RNF126: variants seen among roughly 807,000 people sequenced by gnomAD.
RNF126 encodes the protein E3 ubiquitin-protein ligase RNF126.
In RNF126, 20 loss-of-function variants were observed where a neutral mutation model predicts 41.9. The ratio of observed to expected loss-of-function variants is 0.48; its 90% CI spans 0.34 to 0.69. The LOEUF (loss-of-function observed/expected upper bound fraction) is 0.69. Among genes scored for constraint, RNF126 ranks in the 30% least tolerant of loss-of-function variants. The pLI is 0.01. For synonymous variants in RNF126, 239 were observed against 202.9 expected (o/e 1.18, Z -1.51); for missense variants, 433 against 460.6 (o/e 0.94, Z 0.55).
intron 4 of RNF126, among the ~76,000 whole-genome samples, chr19:651,019 G>A (rs767767019): frequency 4.6e-5 from 7 of 152,160 alleles, no homozygotes; most frequent in South Asian, 2.1e-4. Flanking sequence ...CTGAGCCACC[G>A]TGCCTGGCAA....
At chr19:650,384 G>C (rs1215568843) in intron 4 of RNF126, 88 bp from the exon 5 acceptor site, 1 of 1,130,366 alleles carries the variant, frequency 8.8e-7, no homozygotes, top group African/African-American at 1.6e-5. Flanking sequence ...GAGCACCAAG[G>C]GCAGGGCCAG....
intron 1 of RNF126, among the ~76,000 whole-genome samples, chr19:658,590 C>T (rs1162953318): frequency 2.0e-5 from 3 of 152,200 alleles, no homozygotes; most frequent in African/African-American, 2.4e-5. Context: ...ACGTGCGGCG[C>T]CTGCACCCCT....
chr19:660,435 G>A (rs1004493900), intron 1 of RNF126, among the ~76,000 whole-genome samples: 2 of 152,226 alleles, frequency 1.3e-5, no homozygotes, highest in African/African-American at 4.8e-5. Context: ...TCAGAGGCAG[G>A]CAGGAGCTTC....
intron 4 of RNF126, among the ~76,000 whole-genome samples, chr19:651,102 T>C (rs111227788): frequency 1.6e-4 from 23 of 146,654 alleles, no homozygotes; most frequent in African/African-American, 4.2e-4. Flanking sequence ...CCGCCAGGAG[T>C]AGGGCCCTGC....
chr19:652,116 A>C, intron 3 of RNF126, 117 bp downstream of exon 3: 1 of 950,868 alleles, frequency 1.1e-6, no homozygotes, highest in Non-Finnish European at 1.5e-6. Flanking sequence ...CTGGAGGGAA[A>C]AATTTCCTCC....
In RNF126 at chr19:653,170, C is replaced by T. The variant is rs79915998; in HGVS notation, c.76-286G>A. ...CATCAGCGCCTTGGCTGAGCCCCTC[C>T]GACCTGCCCCACCGTGACGGGCGTC... On this transcript the variant is annotated intron_variant, in intron 1 of 8. Coordinates refer to ENST00000292363, the MANE Select transcript of RNF126 (RefSeq NM_194460.3). Among the ~76,000 whole-genome samples the T allele has an allele frequency of 4.7e-3, 711 of 150,522 alleles. 4 individuals are homozygous for T. The highest frequency in any genetic ancestry group is 0.017 in the African/African-American group (681 of 40,732).
chr19:662,124 G>C (rs573115270), intron 1 of RNF126, among the ~76,000 whole-genome samples: 1 of 152,156 alleles, frequency 6.6e-6, no homozygotes, highest in Non-Finnish European at 1.5e-5. Context: ...TTCAAGACCA[G>C]CCTGGGCAAC....
intron 1 of RNF126, among the ~76,000 whole-genome samples, chr19:658,780 C>G (rs542582761): frequency 3.3e-5 from 5 of 152,360 alleles, no homozygotes; most frequent in African/African-American, 1.2e-4. Context: ...AGGCCCCGAA[C>G]TCTGCCTTCT....
At chr19:649,901 C>T (rs893106916) in intron 5 of RNF126, among the ~76,000 whole-genome samples, 153 bp from the exon 6 acceptor site, 4 of 146,412 alleles carry the variant, frequency 2.7e-5, no homozygotes, top group Admixed American at 6.7e-5. Flanking sequence ...CAGGCACCCC[C>T]ACCCACTCAC....
At position 659,719 on chromosome 19, in the gene RNF126, C is replaced by G. The variant is rs575338904; in HGVS notation, c.75+3328G>C. Among the ~76,000 whole-genome samples the G allele has an allele frequency of 6.6e-5, 10 of 152,010 alleles. No individual in the cohort carries two copies. The highest frequency in any genetic ancestry group is 2.4e-4 in the African/African-American group (10 of 41,452). On this transcript the variant is annotated intron_variant, in intron 1 of 8. Coordinates refer to ENST00000292363, the MANE Select transcript of RNF126 (RefSeq NM_194460.3). The surrounding 1 kb of genome is among the most constrained non-coding windows in gnomAD (Gnocchi z 4.9). ...CCTGCCGCCACACGCCCCACTCTGG[C>G]TGACGCTCCCTTTGCTGCTCAGACA...
At position 648,992 on chromosome 19, in the gene RNF126, G is replaced by A. The variant is rs754402748; in HGVS notation, c.577-17C>T. On this transcript the variant is annotated splice_polypyrimidine_tract_variant and intron_variant, in intron 6 of 8. Transcript: ENST00000292363. Reference sequence around the variant, plus strand: ...ATTGAGGAGCTGAAAGACAAGAGGCGAGAGTGCCGGGAGCTCCTCGGGGGC... The same window carrying A: ...ATTGAGGAGCTGAAAGACAAGAGGCAAGAGTGCCGGGAGCTCCTCGGGGGC... The A allele has an allele frequency of 3.0e-6, 4 of 1,343,398 alleles. No homozygotes were observed. Among genetic ancestry groups the A allele is most frequent in the Admixed American group, 6.3e-5 (2 of 31,606 alleles). 83.2% of individuals were successfully genotyped at this position (1,343,398 alleles called of 1,614,324 possible). A position where few individuals can be genotyped will look rare whatever the true frequency, so the allele number is the denominator to read the frequency against.
At chr19:650,439 C>T (rs1600629815) in intron 4 of RNF126, 143 bp from the exon 5 acceptor site, 1 of 706,224 alleles carries the variant, frequency 1.4e-6, no homozygotes, top group South Asian at 1.9e-5. Flanking sequence ...TTACTATGAG[C>T]CAGGGTCTCA....
chr19:648,522 TG>T, intron 7 of RNF126, 35 bp from the exon 8 acceptor site: 2 of 1,501,772 alleles, frequency 1.3e-6, no homozygotes, highest in Non-Finnish European at 9.0e-7. Context: ...ACAGCGGGCG[TG>T]GGGGGCCTGC....
At chr19:662,722 G>A (rs965626260) in intron 1 of RNF126, among the ~76,000 whole-genome samples, 1 of 152,100 alleles carries the variant, frequency 6.6e-6, no homozygotes, top group Admixed American at 6.5e-5. Flanking sequence ...CGGGCTTAGG[G>A]ATCCCACCTG....
chr19:653,224 G>T (rs945578077), intron 1 of RNF126, among the ~76,000 whole-genome samples: 3 of 152,092 alleles, frequency 2.0e-5, no homozygotes, highest in African/African-American at 7.2e-5. Context: ...CCTCACACAG[G>T]TGGCACCACT....
At position 652,290 on chromosome 19, in the gene RNF126, T is replaced by C; in HGVS notation, c.141A>G (p.Thr47=). ...IEELPEETRS[T]ENGSAPSTAP... ...CTGTGGAGGGGGCAGAACCATTTTC[T>C]GTGCTCCTGGGGAGAGAGTGCAGGT... Residue 47 remains threonine, a synonymous_variant, in exon 3 of 9, where the codon ACA becomes ACG. Coordinates refer to ENST00000292363, the MANE Select transcript of RNF126 (RefSeq NM_194460.3). The C allele has an allele frequency of 6.4e-7, 1 of 1,557,264 alleles. No individual in the cohort carries two copies. Among genetic ancestry groups the C allele is most frequent in the Admixed American group, 2.2e-5 (1 of 45,212 alleles).
At chr19:656,095 G>A (rs1479028599) in intron 1 of RNF126, among the ~76,000 whole-genome samples, 1 of 152,138 alleles carries the variant, frequency 6.6e-6, no homozygotes, top group Non-Finnish European at 1.5e-5. Flanking sequence ...GCAGCTGTGA[G>A]AATGCTGTGG....
intron 7 of RNF126, 48 bp downstream of exon 7, chr19:648,834 C>A: frequency 8.9e-7 from 1 of 1,125,626 alleles, no homozygotes; most frequent in Non-Finnish European, 1.2e-6. Flanking sequence ...CCAGGCGTGG[C>A]GGCGGGTGCC....
At chr19:653,544 C>T (rs1320373437) in intron 1 of RNF126, among the ~76,000 whole-genome samples, 1 of 152,230 alleles carries the variant, frequency 6.6e-6, no homozygotes, top group Admixed American at 6.5e-5. Context: ...GGATCTCACA[C>T]TGCAACGGGA....
Sources: allele counts gnomAD v4.1 joint callset (sites outside exome capture counted in the v4.1 genomes callset), GRCh38; gene constraint gnomAD v4.1.1; non-coding constraint Gnocchi (gnomAD v3.1); transcripts MANE v1.5; gene names NCBI Gene and HGNC (gene_info 2026-07-23, HGNC 2026-07-21).